The following SH3D19 variants were observed in gnomAD, a reference collection of about 807,000 sequenced individuals.
SH3D19 encodes the protein SH3 domain containing 19.
In SH3D19, 58 loss-of-function variants were observed where a neutral mutation model predicts 112.1. The observed-to-expected ratio is 0.52, with a 90% confidence interval of 0.42 to 0.64. The LOEUF (loss-of-function observed/expected upper bound fraction) is 0.64, where lower values mean the gene tolerates loss of function less well. Ranked by LOEUF, SH3D19 falls within the 30% of genes least tolerant of loss-of-function variation. The pLI, the probability that SH3D19 is intolerant of heterozygous loss-of-function variation, is 0.00. For synonymous variants in SH3D19, 391 were observed against 448.5 expected, an observed-to-expected ratio of 0.87 and a Z score of 1.62; for missense variants, 1,090 against 1,263.4, an observed-to-expected ratio of 0.86 and a Z score of 2.08.
chr4:151,240,648 T>C (rs1193724658), intron 1 of SH3D19, among the ~76,000 whole-genome samples: 2 of 151,968 alleles, frequency 1.3e-5, no homozygotes, highest in Non-Finnish European at 2.9e-5. Context: ...ATAACAAATG[T>C]TGGCAAAGAT....
At chr4:151,312,612 G>A (rs1729567014) in intron 1 of SH3D19, among the ~76,000 whole-genome samples, 1 of 152,082 alleles carries the variant, frequency 6.6e-6, no homozygotes, top group African/African-American at 2.4e-5. Context: ...TAGAAATGCA[G>A]AGTCGGCCAG....
intron 3 of SH3D19, among the ~76,000 whole-genome samples, chr4:151,181,985 GTT>G: frequency 6.9e-6 from 1 of 145,294 alleles, no homozygotes; most frequent in South Asian, 2.2e-4. Context: ...CGCTTGTAGG[GTT>G]TTTTTTTTTT....
chr4:151,199,103 T>C (rs947295758), intron 2 of SH3D19, among the ~76,000 whole-genome samples: 1 of 151,690 alleles, frequency 6.6e-6, no homozygotes, highest in Non-Finnish European at 1.5e-5. Context: ...GACATTAAAG[T>C]GATTTAAAAT....
chr4:151,143,871 A>T, intron 12 of SH3D19, 39 bp downstream of exon 12: 1 of 1,579,376 alleles, frequency 6.3e-7, no homozygotes, highest in East Asian at 2.3e-5. Context: ...ATGTGCTGCT[A>T]TGTGTGATAT....
At chr4:151,291,454 C>T in intron 1 of SH3D19, 1 of 1,580,204 alleles carries the variant, frequency 6.3e-7, no homozygotes, top group Non-Finnish European at 8.7e-7. Context: ...GGGCAGATAA[C>T]TCACAGGAGA....
intron 1 of SH3D19, among the ~76,000 whole-genome samples, chr4:151,286,201 A>C (rs1001146079): frequency 2.0e-5 from 3 of 150,372 alleles, no homozygotes; most frequent in Admixed American, 6.6e-5. Flanking sequence ...AAAAAAAAAA[A>C]AAACAACTAA....
At chr4:151,211,456 C>T (rs1173976715) in intron 2 of SH3D19, among the ~76,000 whole-genome samples, 1 of 151,858 alleles carries the variant, frequency 6.6e-6, no homozygotes, top group Non-Finnish European at 1.5e-5. Context: ...GGAAGAATTG[C>T]ACTTCCTTCA....
intron 2 of SH3D19, among the ~76,000 whole-genome samples, chr4:151,209,711 C>A (rs189193016): frequency 6.6e-6 from 1 of 152,236 alleles, no homozygotes; most frequent in East Asian, 1.9e-4. Flanking sequence ...ACAGACAGTC[C>A]AGATTTCAAA....
chr4:151,187,836 T>C (rs1390630242), intron 2 of SH3D19, among the ~76,000 whole-genome samples: 1 of 152,208 alleles, frequency 6.6e-6, no homozygotes, highest in African/African-American at 2.4e-5. Flanking sequence ...TATCTTCATA[T>C]ATCACATCAA....
intron 7 of SH3D19, among the ~76,000 whole-genome samples, chr4:151,167,670 G>A (rs575104550): frequency 1.9e-4 from 29 of 152,298 alleles, no homozygotes; most frequent in African/African-American, 6.7e-4. Context: ...GGGACGTGAG[G>A]AGTGTCTCTG....
Position 151,174,804 on chromosome 4 carries a change from G to C in SH3D19, c.1400C>G (p.Pro467Arg). The change falls in exon 7 of 20, where the codon CCA becomes CGA. Residue 467 changes from proline to arginine, a missense_variant. Transcript: ENST00000604030. The part of the protein sequence containing the change: ...KAYKSLGEGP[P>R]ANPPVPVLQS... Reference sequence around the variant, plus strand: ...CAGAACTGGAACTGGGGGGTTGGCTGGGGGCCCTTCTCCCAGTGACTTGTA... The same window carrying C: ...CAGAACTGGAACTGGGGGGTTGGCTCGGGGCCCTTCTCCCAGTGACTTGTA... The C allele has an allele frequency of 6.4e-7, 1 of 1,562,360 alleles. No homozygotes were observed. Among genetic ancestry groups the C allele is most frequent in the Non-Finnish European group, 8.6e-7 (1 of 1,156,798 alleles).
At chr4:151,318,675 C>G (rs891246989) in intron 1 of SH3D19, among the ~76,000 whole-genome samples, 1 of 152,126 alleles carries the variant, frequency 6.6e-6, no homozygotes, top group African/African-American at 2.4e-5. Flanking sequence ...TGGCCATGTT[C>G]TAAGGACATT....
chr4:151,297,936 A>C (rs981465979), intron 1 of SH3D19, among the ~76,000 whole-genome samples: 1 of 152,204 alleles, frequency 6.6e-6, no homozygotes, highest in Non-Finnish European at 1.5e-5. Flanking sequence ...TACTAATGAG[A>C]GTATGCAGAA....
intron 8 of SH3D19, among the ~76,000 whole-genome samples, chr4:151,164,237 A>G (rs1176904559): frequency 6.6e-6 from 1 of 152,222 alleles, no homozygotes; most frequent in African/African-American, 2.4e-5. Flanking sequence ...AGACAAAGGA[A>G]AGAATGCATG....
At chr4:151,233,714 T>C (rs1769791891) in intron 1 of SH3D19, among the ~76,000 whole-genome samples, 1 of 152,196 alleles carries the variant, frequency 6.6e-6, no homozygotes, top group Non-Finnish European at 1.5e-5. Context: ...GTGGACATCT[T>C]TGTGCGGAGG....
chr4:151,180,929 A>AATT (rs1760822099), intron 3 of SH3D19, among the ~76,000 whole-genome samples: 1 of 132,050 alleles, frequency 7.6e-6, no homozygotes, highest in Non-Finnish European at 1.6e-5. Context: ...ATGCCCGGCT[A>AATT]TTTTTTTTTT....
chr4:151,310,607 T>C (rs939042292), intron 1 of SH3D19, among the ~76,000 whole-genome samples: 76 of 151,836 alleles, frequency 5.0e-4, no homozygotes, highest in Non-Finnish European at 9.6e-4. Context: ...ACTCTTGCTC[T>C]GTTGCCCAGG....
At position 151,325,340 on chromosome 4, in the gene SH3D19, G is replaced by C; in HGVS notation, c.13C>G (p.Arg5Gly). 1 of 1,214,284 alleles carries C rather than the reference G, an allele frequency of 8.2e-7. No homozygotes were observed. The highest frequency in any genetic ancestry group is 1.0e-6 in the Non-Finnish European group (1 of 976,638). 75.2% of individuals were successfully genotyped at this position (1,214,284 alleles called of 1,614,324 possible). MAEG[R>G]RREDEEEELR... ...TCTTCCTCCTCGTCCTCCCGCCGCC[G>C]GCCCTCAGCCATGGGCGAGGCGCGG... The change falls in exon 1 of 20, where the codon CGG becomes GGG. Residue 5 changes from arginine (R) to glycine (G), a missense_variant. By Grantham distance (125) the Arg-to-Gly change is moderately radical. Transcript: ENST00000604030.
Position 151,175,592 on chromosome 4 carries a change from G to A in SH3D19, c.612C>T (p.Ile204=), listed in dbSNP as rs554903547. 2.3e-5 allele frequency: 30 copies of A among 1,330,398 alleles called. No individual in the cohort carries two copies. In the African/African-American group the frequency reaches 2.8e-4, roughly 13 times the overall value. The allele number at this position is 1,330,398 out of a possible 1,614,324, so 82.4% of individuals were successfully genotyped here. A position where few individuals can be genotyped will look rare whatever the true frequency, so the allele number is the denominator to read the frequency against. The part of the protein sequence containing the change: ...GNLPTNVAPL[I]VFDISEEPNC... ...TCGGTTCTTCAGAAATATCAAAGAC[G>A]ATTAAAGGTGCCACATTTGTTGGAA... The change falls in exon 7 of 20, where the codon ATC becomes ATT. Residue 204 remains isoleucine (I), a synonymous_variant. Coordinates refer to ENST00000604030, the MANE Select transcript of SH3D19 (RefSeq NM_001378122.1).
Sources: allele counts gnomAD v4.1 joint callset (sites outside exome capture counted in the v4.1 genomes callset), GRCh38; gene constraint gnomAD v4.1.1; transcripts MANE v1.5; gene names NCBI Gene and HGNC (gene_info 2026-07-23, HGNC 2026-07-21).